ANK2: variants seen among roughly 807,000 people sequenced by gnomAD.
ANK2 encodes ankyrin-2.
Under a neutral mutation model 360.5 loss-of-function variants are expected in ANK2, and 83 were observed. That is an observed-to-expected ratio of 0.23 (90% CI 0.19 to 0.28). ANK2 has a LOEUF of 0.28. ANK2 is among the 10% of genes least tolerant of loss of function. ANK2 has a pLI of 1.00. For missense variants in ANK2, 4,201 were observed against 4,795.7 expected (o/e 0.88, Z 3.66); for synonymous variants, 1,740 against 1,759.5 (o/e 0.99, Z 0.28).
At chr4:112,880,771 A>C (rs1296526132) in intron 1 of ANK2, 1 of 152,128 alleles carries the variant, frequency 6.6e-6, no homozygotes, top group Non-Finnish European at 1.5e-5. Flanking sequence ...TATTTAGACC[A>C]GGGGTTGGTA....
chr4:113,322,923 G>C (rs1223599452), intron 26 of ANK2, among the ~76,000 whole-genome samples: 1 of 152,060 alleles, frequency 6.6e-6, no homozygotes, highest in South Asian at 2.1e-4. Flanking sequence ...TTAGATACGT[G>C]AAGGTAAATT....
intron 1 of ANK2, among the ~76,000 whole-genome samples, chr4:113,094,467 G>A (rs1012719148): frequency 2.6e-5 from 4 of 152,100 alleles, no homozygotes; most frequent in African/African-American, 9.7e-5. Context: ...AATACATCCA[G>A]CACTAAGAGG....
intron 24 of ANK2, among the ~76,000 whole-genome samples, chr4:113,312,045 T>A (rs1054455997): frequency 2.0e-5 from 3 of 152,204 alleles, no homozygotes; most frequent in African/African-American, 7.2e-5. Flanking sequence ...TATTAACTAG[T>A]ACAACTGGCA....
chr4:112,977,336 C>T (rs1268534681), intron 2 of ANK2, among the ~76,000 whole-genome samples: 1 of 151,982 alleles, frequency 6.6e-6, no homozygotes, highest in Admixed American at 6.5e-5. Context: ...TTTATTCCAA[C>T]AGGGTACAAC....
chr4:113,288,309 C>A, intron 19 of ANK2, 79 bp from the exon 20 acceptor site: 1 of 1,170,304 alleles, frequency 8.5e-7, no homozygotes, highest in Non-Finnish European at 1.3e-6. Flanking sequence ...CTACCCAGTC[C>A]TTCTCCTCTG....
intron 1 of ANK2, among the ~76,000 whole-genome samples, chr4:113,070,434 G>A (rs1013918757): frequency 2.6e-5 from 4 of 151,482 alleles, no homozygotes; most frequent in African/African-American, 9.7e-5. Context: ...ATTTACTCTG[G>A]GATTAATAAG....
intron 4 of ANK2, among the ~76,000 whole-genome samples, chr4:113,218,146 C>CAGGT (rs2099107777): frequency 6.6e-6 from 1 of 151,918 alleles, no homozygotes; most frequent in Admixed American, 6.5e-5. Context: ...ATTTATAACC[C>CAGGT]CTTGTTCTAA....
chr4:113,095,710 T>G (rs1414299872), intron 1 of ANK2, among the ~76,000 whole-genome samples: 2 of 152,184 alleles, frequency 1.3e-5, no homozygotes, highest in Non-Finnish European at 2.9e-5. Flanking sequence ...TTTATAAAAA[T>G]AGAATTCTTT....
intron 2 of ANK2, chr4:112,979,574 G>T (rs932016631): frequency 1.3e-5 from 2 of 152,236 alleles, no homozygotes; most frequent in Admixed American, 1.3e-4. Flanking sequence ...CCAAATTCTT[G>T]GTGGGTTCCA....
At chr4:113,345,029 A>T (rs1386971788) in intron 34 of ANK2, among the ~76,000 whole-genome samples, 1 of 152,198 alleles carries the variant, frequency 6.6e-6, no homozygotes, top group African/African-American at 2.4e-5. Context: ...ACTTAATGCC[A>T]CCAAACTAGA....
rs545029104 is a variant in ANK2 at position 112,930,358 on chromosome 4, G to A, written c.21+25844G>A. Among the ~76,000 whole-genome samples the A allele has an allele frequency of 4.9e-3, 748 of 151,904 alleles. 8 individuals carry two copies. Among genetic ancestry groups the A allele is most frequent in the Non-Finnish European group, 7.3e-3 (494 of 67,950 alleles). ...AGCTACTTGGGAGGCTGAGGTGGGA[G>A]GATCACCTGAGTCCAGGGAGGTCAA... On this transcript the variant is annotated intron_variant, in intron 2 of 30. Transcript: ENST00000503271.
chr4:113,182,089 C>T (rs28525436), intron 2 of ANK2, among the ~76,000 whole-genome samples: 3 of 152,152 alleles, frequency 2.0e-5, no homozygotes, highest in Middle Eastern at 3.4e-3. Context: ...ATTGGTGAGA[C>T]GTGGCTGGAT....
chr4:112,954,209 CCTCCCA>C (rs2095214178), intron 2 of ANK2, among the ~76,000 whole-genome samples: 1 of 136,080 alleles, frequency 7.3e-6, no homozygotes, highest in Non-Finnish European at 1.6e-5. Flanking sequence ...CCTCCCCTCC[CCTCCCA>C]TCCCTCCCTC....
At chr4:112,990,419 T>C (rs77648392) in intron 2 of ANK2, among the ~76,000 whole-genome samples, 3,141 of 152,312 alleles carry the variant, frequency 0.021, 91 homozygotes, top group African/African-American at 0.061. Flanking sequence ...ACACCCATTC[T>C]GAGTCTATTC....
intron 2 of ANK2, among the ~76,000 whole-genome samples, chr4:112,999,496 A>G (rs2049846654): frequency 6.6e-6 from 1 of 152,194 alleles, no homozygotes; most frequent in African/African-American, 2.4e-5. Context: ...TGACAGAGAA[A>G]GGGAGGGGAC....
At chr4:112,710,397 A>G in the ANK2 span, among the ~76,000 whole-genome samples, 12 of 152,190 alleles carry the variant, frequency 7.9e-5, no homozygotes, top group Admixed American at 2.0e-4. Context: ...ACTCAAATCC[A>G]TCAGGAGAAT....
intron 38 of ANK2, among the ~76,000 whole-genome samples, 172 bp downstream of exon 38, chr4:113,359,471 G>T (rs1022202733): frequency 6.6e-6 from 1 of 152,028 alleles, no homozygotes; most frequent in Non-Finnish European, 1.5e-5. Flanking sequence ...GTATACTCTT[G>T]TCTAAGAAAA....
chr4:112,941,187 G>C (rs1206544887), intron 2 of ANK2, among the ~76,000 whole-genome samples: 3 of 150,586 alleles, frequency 2.0e-5, no homozygotes, highest in Admixed American at 2.0e-4. Flanking sequence ...GCCTAAAAAA[G>C]GATATTAAAA....
intron 1 of ANK2, among the ~76,000 whole-genome samples, chr4:113,141,937 A>G (rs775936286): frequency 1.3e-5 from 2 of 152,236 alleles, no homozygotes; most frequent in Non-Finnish European, 2.9e-5. Context: ...TGGGAATTTA[A>G]GAAGATATTG....
Sources: gnomAD v4.1 joint callset for allele counts (sites outside exome capture counted in the v4.1 genomes callset) on GRCh38, gnomAD v4.1.1 for gene constraint, MANE v1.5 for transcripts, NCBI Gene and HGNC (gene_info 2026-07-23, HGNC 2026-07-21) for gene names.